Variants in QPCT observed in about 807,000 individuals in gnomAD.
QPCT encodes the protein EC.
Under a neutral mutation model 43.4 loss-of-function variants are expected in QPCT, and 44 were observed. The observed-to-expected ratio is 1.01, with a 90% CI of 0.80 to 1.30. The LOEUF is 1.30. Among genes scored for constraint, QPCT ranks in the 50% most tolerant of loss-of-function variants. QPCT has a pLI of 0.00. For missense variants in QPCT, 526 were observed against 436.5 expected (o/e 1.21, Z -1.83); for synonymous variants, 168 against 168.4 (o/e 1.00, Z 0.02).
intron 1 of QPCT, among the ~76,000 whole-genome samples, chr2:37,350,233 C>G (rs769727120): frequency 2.6e-5 from 4 of 152,096 alleles, no homozygotes; most frequent in African/African-American, 9.7e-5. Context: ...CCAGAGTGAC[C>G]GAAGCATGGT....
chr2:37,346,742 C>T (rs968721492), intron 1 of QPCT, among the ~76,000 whole-genome samples: 2 of 152,142 alleles, frequency 1.3e-5, no homozygotes, highest in East Asian at 1.9e-4. Context: ...CTAGCTTCCT[C>T]CCCTTATTCT....
chr2:37,346,824 T>G (rs1184766125), intron 1 of QPCT, among the ~76,000 whole-genome samples: 1 of 152,112 alleles, frequency 6.6e-6, no homozygotes, highest in Non-Finnish European at 1.5e-5. Context: ...TTCCTACTTT[T>G]TATGGTGTTC....
chr2:37,352,806 C>G lies in QPCT; in HGVS notation c.138C>G (p.Ala46=), dbSNP rs566909534. 1 of 1,614,012 alleles carries G rather than the reference C, an allele frequency of 6.2e-7. No homozygotes were observed. The highest frequency in any genetic ancestry group is 8.5e-7 in the Non-Finnish European group (1 of 1,179,896). ...ATCCTCAGAATTACCACCAGCCAGC[C>G]ATTTTGAATTCATCGGCTCTTCGGC... ...WPEEKNYHQP[A]ILNSSALRQI... Residue 46 remains alanine, a synonymous_variant, in exon 2 of 7, where the codon GCC becomes GCG. Coordinates refer to ENST00000338415, the MANE Select transcript of QPCT (RefSeq NM_012413.4).
At position 37,347,147 on chromosome 2, in the gene QPCT, T is replaced by TATATATATATC. The variant is rs1491092364; in HGVS notation, c.120+2306_120+2307insCATATATATAT. On this transcript the variant is annotated intron_variant, in intron 1 of 6. Coordinates refer to ENST00000338415, the MANE Select transcript of QPCT (RefSeq NM_012413.4). ...TGGCATCTGGGTATGGGGTGTTTTA[T>TATATATATATC]ATATATATATATATATAACATATAT... Among the ~76,000 whole-genome samples the TATATATATATC allele has an allele frequency of 8.7e-3, 43 of 4,936 alleles. 4 individuals are homozygous for TATATATATATC. Among genetic ancestry groups the TATATATATATC allele is most frequent in the Middle Eastern group, 0.17 (2 of 12 alleles). The allele number at this position is 4,936 out of a possible 152,430, so 3.2% of individuals were successfully genotyped here.
At chr2:37,370,725 C>A (rs1371617197) in intron 5 of QPCT, among the ~76,000 whole-genome samples, 1 of 152,040 alleles carries the variant, frequency 6.6e-6, no homozygotes, top group Non-Finnish European at 1.5e-5. Context: ...TCAGGCCAGC[C>A]CAAGAAACAT....
intron 1 of QPCT, among the ~76,000 whole-genome samples, chr2:37,350,478 G>T (rs554338820): frequency 6.6e-6 from 1 of 152,154 alleles, no homozygotes; most frequent in African/African-American, 2.4e-5. Flanking sequence ...AGTTTATCAA[G>T]GAAATATATT....
At chr2:37,352,039 A>T (rs72864845) in intron 1 of QPCT, among the ~76,000 whole-genome samples, 4,394 of 152,102 alleles carry the variant, frequency 0.029, 217 homozygotes, top group African/African-American at 0.1. Context: ...CAAAAAAAAA[A>T]AAAAGATTAT....
chr2:37,353,046 C>T, intron 2 of QPCT, 111 bp downstream of exon 2: 2 of 1,268,554 alleles, frequency 1.6e-6, no homozygotes, highest in Non-Finnish European at 1.1e-6. Flanking sequence ...CTGTCATCTC[C>T]TCATTCACCA....
In QPCT at chr2:37,348,649, C is replaced by G. The variant is rs373267994; in HGVS notation, c.120+3798C>G. Among the ~76,000 whole-genome samples, 234 of 152,296 alleles carry G rather than the reference C, an allele frequency of 1.5e-3. 2 individuals are homozygous for G. The highest frequency in any genetic ancestry group is 5.5e-3 in the African/African-American group (228 of 41,556). On this transcript the variant is annotated intron_variant, in intron 1 of 6. Transcript: ENST00000338415. ...CTCTATCAATTATGTAATTAAAACC[C>G]TCTTTAAAACCACATGATTAGCCTA...
chr2:37,366,574 G>T (rs914777845), intron 3 of QPCT, among the ~76,000 whole-genome samples: 2 of 152,236 alleles, frequency 1.3e-5, no homozygotes, highest in Admixed American at 1.3e-4. Context: ...AAGCAAGAAA[G>T]ATTTACAGTT....
intron 4 of QPCT, among the ~76,000 whole-genome samples, chr2:37,368,035 C>G (rs1558607201): frequency 6.6e-6 from 1 of 152,142 alleles, no homozygotes; most frequent in Non-Finnish European, 1.5e-5. Context: ...GAGCAAACCC[C>G]TTCTTTCAGG....
At chr2:37,346,344 A>G (rs1672488907) in intron 1 of QPCT, among the ~76,000 whole-genome samples, 1 of 152,196 alleles carries the variant, frequency 6.6e-6, no homozygotes, top group Non-Finnish European at 1.5e-5. Context: ...TGACACACAA[A>G]AAATCCTCTC....
intron 4 of QPCT, 78 bp from the exon 5 acceptor site, chr2:37,369,607 G>T: frequency 9.3e-7 from 1 of 1,077,154 alleles, no homozygotes; most frequent in Non-Finnish European, 1.4e-6. Context: ...AGTTAATTTT[G>T]ACTGATTGTA....
chr2:37,354,155 C>G (rs970572686), intron 2 of QPCT, among the ~76,000 whole-genome samples: 6 of 152,236 alleles, frequency 3.9e-5, no homozygotes, highest in Non-Finnish European at 7.3e-5. Flanking sequence ...TGAGCCACCG[C>G]GTCCGGCTGA....
chr2:37,372,429 T>C lies in QPCT; in HGVS notation c.897T>C (p.Tyr299=). Residue 299 remains tyrosine, a synonymous_variant, in exon 6 of 7, where the codon TAT becomes TAC. Coordinates refer to ENST00000338415, the MANE Select transcript of QPCT (RefSeq NM_012413.4). ...GGCGGTATTTCCAGAATTACAGTTA[T>C]GGAGGTGTGATTCAGGATGACCATA... The part of the protein sequence containing the change: ...LEGRYFQNYS[Y]GGVIQDDHIP... The C allele has an allele frequency of 6.2e-7, 1 of 1,614,066 alleles. No individual in the cohort carries two copies.
At chr2:37,352,630 C>T (rs1040051587) in intron 1 of QPCT, among the ~76,000 whole-genome samples, 159 bp from the exon 2 acceptor site, 1 of 152,212 alleles carries the variant, frequency 6.6e-6, no homozygotes, top group Non-Finnish European at 1.5e-5. Context: ...CCGTGCCCAG[C>T]CCTAACAGCC....
chr2:37,347,165 A>ATATATATATATATAT (rs1558599309), intron 1 of QPCT, among the ~76,000 whole-genome samples: 1 of 27,350 alleles, frequency 3.7e-5, no homozygotes, highest in African/African-American at 1.9e-4. Context: ...TATATATATA[A>ATATATATATATATAT]CATATATATA....
At chr2:37,371,923 A>C (rs1673081122) in intron 5 of QPCT, among the ~76,000 whole-genome samples, 1 of 152,142 alleles carries the variant, frequency 6.6e-6, no homozygotes, top group African/African-American at 2.4e-5. Flanking sequence ...TGGCCACTTG[A>C]TATACTTCAT....
At chr2:37,362,598 G>C (rs978530471) in intron 3 of QPCT, among the ~76,000 whole-genome samples, 5 of 152,160 alleles carry the variant, frequency 3.3e-5, no homozygotes, top group African/African-American at 1.2e-4. Context: ...AACAATCAGG[G>C]AAACTCCATT....
Sources: gnomAD v4.1 joint callset for allele counts (sites outside exome capture counted in the v4.1 genomes callset) on GRCh38, gnomAD v4.1.1 for gene constraint, MANE v1.5 for transcripts, NCBI Gene and HGNC (gene_info 2026-07-23, HGNC 2026-07-21) for gene names.